Variants in ERCC6 observed in about 807,000 individuals in gnomAD.
ERCC6 encodes the protein DNA excision repair protein ERCC-6.
A neutral mutation model predicts 158.7 loss-of-function variants in ERCC6; 116 were observed. The observed-to-expected ratio is 0.73, with a 90% CI of 0.63 to 0.85. ERCC6 has a LOEUF of 0.85. Ranked by LOEUF, ERCC6 falls within the 40% of genes least tolerant of loss-of-function variation. ERCC6 has a pLI of 0.00. For synonymous variants in ERCC6, 678 were observed against 659.3 expected (o/e 1.03, Z -0.43); for missense variants, 1,698 against 1,799.4 (o/e 0.94, Z 1.02).
At chr10:49,462,930 T>C (rs915414864) in intron 18 of ERCC6, among the ~76,000 whole-genome samples, 1 of 152,210 alleles carries the variant, frequency 6.6e-6, no homozygotes, top group Non-Finnish European at 1.5e-5. Context: ...CAAACTTACA[T>C]ATGTGTTTAC....
the ERCC6 span, among the ~76,000 whole-genome samples, chr10:49,445,828 G>C: frequency 6.6e-6 from 1 of 152,138 alleles, no homozygotes; most frequent in East Asian, 1.9e-4. Flanking sequence ...CCAAGGCATG[G>C]GTAGCAGACA....
Position 49,493,270 on chromosome 10 carries a change from A to G in ERCC6, c.1686-18T>C. ...CCTCAAACCTGCATCCAAACGTCCA[A>G]GAAGAAAACAACCATGAAAGAGCAT... On this transcript the variant is annotated intron_variant, in intron 7 of 20. Transcript: ENST00000355832. 6.2e-7 allele frequency: 1 copy of G among 1,613,984 alleles called. No homozygotes were observed. Among genetic ancestry groups the G allele is most frequent in the South Asian group, 1.1e-5 (1 of 91,050 alleles).
At chr10:49,535,635 CA>C (rs1837578405) in intron 1 of ERCC6, among the ~76,000 whole-genome samples, 1 of 151,994 alleles carries the variant, frequency 6.6e-6, no homozygotes, top group Non-Finnish European at 1.5e-5. Context: ...CCAATTCAAC[CA>C]AAAATATTAA....
Position 49,482,711 on chromosome 10 carries a change from T to TC in ERCC6, c.2144dup (p.Tyr716IlefsTer44). The TC allele has an allele frequency of 6.2e-7, 1 of 1,613,644 alleles. No homozygotes were observed. Among genetic ancestry groups the TC allele is most frequent in the Non-Finnish European group, 8.5e-7 (1 of 1,179,810 alleles). On this transcript the variant is annotated frameshift_variant, in exon 10 of 21. Coordinates refer to ENST00000355832, the MANE Select transcript of ERCC6 (RefSeq NM_000124.4). LOFTEE classifies it high-confidence loss of function. ...CCTGTACTGGGGAAGCATTTGAATA[T>TC]CCCCCCATGGTGATGGGGACGGAGA...
At position 49,460,389 on chromosome 10, in the gene ERCC6, G is replaced by A. The variant is rs371522486; in HGVS notation, c.4046C>T (p.Pro1349Leu). Residue 1349 changes from proline to leucine, a missense_variant, in exon 20 of 21, where the codon CCA (proline) becomes CTA (leucine). Pro to Leu is a moderately conservative substitution (Grantham distance 98, BLOSUM62 -3). Coordinates refer to ENST00000355832, the MANE Select transcript of ERCC6 (RefSeq NM_000124.4). ...FSVQHPSSTS[P>L]TEKCQDGIMK... ...CTATATTACCTGGCACTTCTCTGTT[G>A]GAGATGTTGATGAAGGATGCTGCAC... 1 of 1,612,518 alleles carries A rather than the reference G, an allele frequency of 6.2e-7. No individual in the cohort carries two copies. Among genetic ancestry groups the A allele is most frequent in the African/African-American group, 1.3e-5 (1 of 75,020 alleles).
In ERCC6 at chr10:49,478,277, C is replaced by T. The variant is rs570278345; in HGVS notation, c.2286+77G>A. On this transcript the variant is annotated intron_variant, in intron 11 of 20. Coordinates refer to ENST00000355832, the MANE Select transcript of ERCC6 (RefSeq NM_000124.4). ...TCATACCTCACCAGACTCTCTCATC[C>T]GCAGAGGAGAATCAGAGTGAAGGGA... 7.6e-5 allele frequency: 78 copies of T among 1,031,764 alleles called. No individual in the cohort carries two copies. The African/African-American group carries it at 1.1e-3, about 15-fold the overall frequency. 63.9% of individuals were successfully genotyped at this position (1,031,764 alleles called of 1,614,324 possible).
Position 49,500,696 on chromosome 10 carries a change from C to T in ERCC6, c.1527G>A (p.Lys509=). Residue 509 remains lysine (K), a splice_region_variant and synonymous_variant, in exon 7 of 21, where the codon AAG becomes AAA. Transcript: ENST00000355832. ...VPGFLFKKLF[K]YQQTGVRWLW... is the part of the protein sequence containing the mutation. ...GCCACCTAACACCTGTCTGCTGGTACCTATGACAACAAACACCAACAAGAA... is the reference window on the plus strand; with the variant it reads ...GCCACCTAACACCTGTCTGCTGGTATCTATGACAACAAACACCAACAAGAA... 1.9e-6 allele frequency: 3 copies of T among 1,613,510 alleles called. No homozygotes were observed. The highest frequency in any genetic ancestry group is 3.4e-4 in the Middle Eastern group (2 of 5,918).
At chr10:49,437,874 G>C in the ERCC6 span, among the ~76,000 whole-genome samples, 1 of 152,184 alleles carries the variant, frequency 6.6e-6, no homozygotes, top group Non-Finnish European at 1.5e-5. Flanking sequence ...TACAGTTAAA[G>C]TCAAAATTTA....
chr10:49,470,982 A>T lies in ERCC6; in HGVS notation c.3063T>A (p.Ile1021=). ...AATGATTTTATGTAATACCTGCAAA[A>T]ATTGCACTTGTTTCAGTGCTCTGGG... The part of the protein sequence containing the change: ...DASQSTETSA[I]FAGTGSDVQT... Residue 1021 remains isoleucine, a synonymous_variant, in exon 17 of 21, where the codon ATT becomes ATA. Transcript: ENST00000355832. 1 of 1,614,042 alleles carries T rather than the reference A, an allele frequency of 6.2e-7. No homozygotes were observed. The highest frequency in any genetic ancestry group is 1.1e-5 in the South Asian group (1 of 91,078).
At position 49,458,844 on chromosome 10, in the gene ERCC6, T is replaced by C. The variant is rs772426762; in HGVS notation, c.4453A>G (p.Ile1485Val). 8.7e-6 allele frequency: 14 copies of C among 1,614,210 alleles called. No homozygotes were observed. Among genetic ancestry groups the C allele is most frequent in the Non-Finnish European group, 1.1e-5 (13 of 1,180,038 alleles). ...TFHRTSGGEG[I>V]WKLKPEYC ...CAGTATTCTGGCTTGAGTTTCCAAA[T>C]TCCTTCACCACCAGAAGTTCTATGG... The change falls in exon 21 of 21, where the codon ATT becomes GTT. Residue 1485 changes from isoleucine (I) to valine (V), a missense_variant. Physicochemically the swap from Ile to Val is conservative, Grantham distance 29. Coordinates refer to ENST00000355832, the MANE Select transcript of ERCC6 (RefSeq NM_000124.4).
chr10:49,476,841 G>A (rs767904939), intron 11 of ERCC6, among the ~76,000 whole-genome samples: 1 of 151,856 alleles, frequency 6.6e-6, no homozygotes, highest in African/African-American at 2.4e-5. Context: ...TCCCTCCTTC[G>A]CAAAGTCCAC....
rs112644868 is a variant in ERCC6 at position 49,536,031 on chromosome 10, G to T, written c.-15+2931C>A. On this transcript the variant is annotated intron_variant, in intron 1 of 20. Coordinates refer to ENST00000355832, the MANE Select transcript of ERCC6 (RefSeq NM_000124.4). ...CTCGGGAGGCTGAGGCACGAGAATC[G>T]CTTGAACCCAGGAGGCAGAGGTTGC... is the stretch of plus-strand genomic sequence containing the variant. Among the ~76,000 whole-genome samples, 94 of 152,296 alleles carry T rather than the reference G, an allele frequency of 6.2e-4. 1 individual carries two copies. The highest frequency in any genetic ancestry group is 2.2e-3 in the African/African-American group (90 of 41,568).
chr10:49,516,298 T>C (rs1836960863), intron 5 of ERCC6: 1 of 1,614,174 alleles, frequency 6.2e-7, no homozygotes, highest in Non-Finnish European at 8.5e-7. Context: ...TAAGGAACCA[T>C]GAATTCATCA....
chr10:49,471,001 C>G lies in ERCC6; in HGVS notation c.3044G>C (p.Ser1015Thr). The change falls in exon 17 of 21, where the codon AGC becomes ACC. Residue 1015 changes from serine to threonine, a missense_variant. Transcript: ENST00000355832. ...FTLTSPDASQ[S>T]TETSAIFAGT... is the part of the protein sequence containing the mutation. ...TGCAAAAATTGCACTTGTTTCAGTG[C>G]TCTGGGATGCATCAGGACTAGTCAG... 1 of 1,613,990 alleles carries G rather than the reference C, an allele frequency of 6.2e-7. No homozygotes were observed.
chr10:49,444,509 T>C, the ERCC6 span, among the ~76,000 whole-genome samples: 6 of 152,134 alleles, frequency 3.9e-5, no homozygotes, highest in Non-Finnish European at 7.3e-5. Flanking sequence ...AGTGCATCCA[T>C]GACACAGGAC....
rs959613605 is a variant in ERCC6, at chr10:49,516,654, A to C, written c.1397+7379T>G. 2 of 1,614,102 alleles carry C rather than the reference A, an allele frequency of 1.2e-6. No homozygotes were observed. The highest frequency in any genetic ancestry group is 2.7e-5 in the African/African-American group (2 of 74,954). On this transcript the variant is annotated intron_variant, in intron 5 of 20. Transcript: ENST00000355832. ...GGAGTACTTGACAATGAGTTCAATG[A>C]CCTCGTCATCAAGAAAAAGTTCAAG...
intron 5 of ERCC6, among the ~76,000 whole-genome samples, chr10:49,520,936 T>G (rs1837141700): frequency 6.6e-6 from 1 of 152,216 alleles, no homozygotes; most frequent in South Asian, 2.1e-4. Flanking sequence ...ATTGTTAATT[T>G]GGATAAGGGT....
rs544466390 is a variant in ERCC6, at chr10:49,539,101, T to A, written c.-154A>T. ...CCCCAACAGCGACTCCGACTTCTGC[T>A]GGTGCGGGGAGGCCCGTGGCGCATG... On this transcript the variant is annotated 5_prime_UTR_variant, in exon 1 of 21. Transcript: ENST00000355832. 2 of 152,282 alleles carry A rather than the reference T, an allele frequency of 1.3e-5. No homozygotes were observed. Among genetic ancestry groups the A allele is most frequent in the Admixed American group, 1.3e-4 (2 of 15,290 alleles). 9.4% of individuals were successfully genotyped at this position (152,282 alleles called of 1,614,324 possible). A position where few individuals can be genotyped will look rare whatever the true frequency, so the allele number is the denominator to read the frequency against.
At chr10:49,513,529 T>C (rs188688471) in intron 5 of ERCC6, among the ~76,000 whole-genome samples, 3 of 152,278 alleles carry the variant, frequency 2.0e-5, no homozygotes, top group Admixed American at 2.0e-4. Context: ...GGGTAATTTA[T>C]AAGGAAAGAG....
Sources: allele counts gnomAD v4.1 joint callset (sites outside exome capture counted in the v4.1 genomes callset), GRCh38; gene constraint gnomAD v4.1.1; transcripts MANE v1.5; gene names NCBI Gene and HGNC (gene_info 2026-07-23, HGNC 2026-07-21).